Variants in LGMN observed in about 807,000 individuals in gnomAD.
LGMN encodes the protein legumain, also known as asparaginyl endopeptidase.
A neutral mutation model predicts 56.8 loss-of-function variants in LGMN; 36 were observed. That is an observed-to-expected ratio of 0.63 (90% confidence interval 0.49 to 0.84). The LOEUF is 0.84. Ranked by LOEUF, LGMN falls within the 40% of genes least tolerant of loss-of-function variation. LGMN has a pLI of 0.00. For missense variants in LGMN, 446 were observed against 556.1 expected (o/e 0.80, Z 1.99); for synonymous variants, 199 against 210.1 (o/e 0.95, Z 0.46).
rs199907670 is a variant in LGMN at position 92,714,843 on chromosome 14, C to CA, written c.405-393_405-392insT. Among the ~76,000 whole-genome samples the CA allele has an allele frequency of 1.1e-4, 17 of 152,256 alleles. No individual in the cohort carries two copies. The East Asian group carries it at 3.3e-3, about 29-fold the overall frequency. On this transcript the variant is annotated intron_variant, in intron 5 of 13. Coordinates refer to ENST00000334869, the MANE Select transcript of LGMN (RefSeq NM_005606.7). This position sits in a 1 kb window ranked among gnomAD's most constrained non-coding sequence, Gnocchi z 5.1. Reference sequence around the variant, plus strand: ...TCAACACAGGCCTGCAGCCTCCCCCCCTCCAGGCCTCCTGTGGCCCACAGT... The same window carrying CA: ...TCAACACAGGCCTGCAGCCTCCCCCCACTCCAGGCCTCCTGTGGCCCACAGT...
At position 92,728,659 on chromosome 14, in the gene LGMN, C is replaced by A. The variant is rs1321731314; in HGVS notation, c.138+3990G>T. Among the ~76,000 whole-genome samples, 3 of 151,936 alleles carry A rather than the reference C, an allele frequency of 2.0e-5. No individual in the cohort carries two copies. In the East Asian group the frequency reaches 5.8e-4, roughly 29 times the overall value. ...ACCTTAACATGTTAAATTTTTAATA[C>A]AAAAAAAGGAAACTATTTTAAAATA... On this transcript the variant is annotated intron_variant, in intron 2 of 13. Coordinates refer to ENST00000334869, the MANE Select transcript of LGMN (RefSeq NM_005606.7).
At chr14:92,735,852 T>C (rs1742795736) in intron 1 of LGMN, among the ~76,000 whole-genome samples, 1 of 151,566 alleles carries the variant, frequency 6.6e-6, no homozygotes, top group Non-Finnish European at 1.5e-5. Flanking sequence ...AACAGATAGG[T>C]CAGTGGAGTG....
At chr14:92,709,571 C>G (rs1270371684) in intron 11 of LGMN, 101 bp downstream of exon 11, 2 of 954,108 alleles carry the variant, frequency 2.1e-6, no homozygotes, top group Non-Finnish European at 3.3e-6. Flanking sequence ...CCCCCATACT[C>G]CTGTGTGGCA....
Position 92,704,231 on chromosome 14 carries a change from G to C in LGMN, c.*88C>G, listed in dbSNP as rs766031604. The C allele has an allele frequency of 6.3e-7, 1 of 1,575,750 alleles. No individual in the cohort carries two copies. The highest frequency in any genetic ancestry group is 2.2e-5 in the East Asian group (1 of 44,718). ...GCTCCCCAGGAGGGCCCGAGCAGCG[G>C]AGACTTCTCACTCCACCTCTCCAGT... On this transcript the variant is annotated 3_prime_UTR_variant, in exon 14 of 14. Transcript: ENST00000334869.
intron 1 of LGMN, among the ~76,000 whole-genome samples, chr14:92,738,480 G>A (rs775878675): frequency 3.2e-4 from 49 of 151,348 alleles, no homozygotes; most frequent in Middle Eastern, 3.4e-3. Flanking sequence ...GGGTTTCACC[G>A]TGTTAGCCAG....
intron 13 of LGMN, 75 bp from the exon 14 acceptor site, chr14:92,704,436 G>A: frequency 7.8e-7 from 1 of 1,285,284 alleles, no homozygotes; most frequent in African/African-American, 1.5e-5. Flanking sequence ...AAACCCACAT[G>A]CGGCAGGCAG....
chr14:92,723,076 T>G (rs2140242085), intron 2 of LGMN, among the ~76,000 whole-genome samples: 1 of 152,072 alleles, frequency 6.6e-6, no homozygotes, highest in East Asian at 1.9e-4. Context: ...AGACAGAGTC[T>G]TGTTCTGTCG....
At chr14:92,728,253 A>G (rs1890842000) in intron 2 of LGMN, among the ~76,000 whole-genome samples, 1 of 152,228 alleles carries the variant, frequency 6.6e-6, no homozygotes, top group African/African-American at 2.4e-5. Flanking sequence ...ACTAGGCATT[A>G]GTTAGATTCT....
rs979990037 is a variant in LGMN at position 92,730,122 on chromosome 14, G to A, written c.138+2527C>T. Among the ~76,000 whole-genome samples the A allele has an allele frequency of 2.6e-5, 4 of 152,322 alleles. No homozygotes were observed. In the East Asian group the frequency reaches 7.7e-4, roughly 29 times the overall value. On this transcript the variant is annotated intron_variant, in intron 2 of 13. Coordinates refer to ENST00000334869, the MANE Select transcript of LGMN (RefSeq NM_005606.7). ...TGAGTAATCGTGTTAACTCTCTGTG[G>A]TCTGTATTTCACAACTAATCTTTCC...
chr14:92,728,323 C>CT, intron 2 of LGMN, among the ~76,000 whole-genome samples: 1 of 152,314 alleles, frequency 6.6e-6, no homozygotes, highest in South Asian at 2.1e-4. Context: ...GTTCACGCTC[C>CT]TATTAGAATT....
At chr14:92,725,821 T>C (rs962314511) in intron 2 of LGMN, among the ~76,000 whole-genome samples, 4 of 151,998 alleles carry the variant, frequency 2.6e-5, no homozygotes, top group Non-Finnish European at 5.9e-5. Context: ...GTGATCCACC[T>C]ACCTTGGTCT....
intron 4 of LGMN, among the ~76,000 whole-genome samples, chr14:92,716,658 A>G (rs1397522783): frequency 1.3e-5 from 2 of 152,144 alleles, no homozygotes; most frequent in Non-Finnish European, 2.9e-5. Flanking sequence ...ATACAGAAAC[A>G]ATTTCATTAA....
intron 12 of LGMN, among the ~76,000 whole-genome samples, chr14:92,706,144 G>A (rs1234410697): frequency 2.0e-5 from 3 of 152,168 alleles, no homozygotes; most frequent in Admixed American, 2.0e-4. Context: ...AGACTCAGAA[G>A]GGAGAAGATG....
chr14:92,713,865 A>T lies in LGMN; in HGVS notation c.501T>A (p.Asn167Lys), dbSNP rs1303621486. ...PNEDLHVKDL[N>K]ETIHYMYKHK... ...GTTTGTACATGTAATGGATGGTCTC[A>T]TTCAGGTCCTTTACATGAAGCTGAA... is the stretch of plus-strand genomic sequence containing the variant. Residue 167 changes from asparagine to lysine, a missense_variant, in exon 7 of 14, where the codon AAT (asparagine) becomes AAA (lysine). Physicochemically the swap from Asn to Lys is moderately conservative, Grantham distance 94 (BLOSUM62 0). Coordinates refer to ENST00000334869, the MANE Select transcript of LGMN (RefSeq NM_005606.7). 6.2e-7 allele frequency: 1 copy of T among 1,612,658 alleles called. No individual in the cohort carries two copies. Among genetic ancestry groups the T allele is most frequent in the Non-Finnish European group, 8.5e-7 (1 of 1,178,726 alleles).
intron 12 of LGMN, 169 bp downstream of exon 12, chr14:92,706,314 A>C: frequency 2.0e-6 from 1 of 511,580 alleles, no homozygotes; most frequent in Non-Finnish European, 3.3e-6. Context: ...TTCTGGGGCC[A>C]AGATTTAAAA....
intron 2 of LGMN, among the ~76,000 whole-genome samples, chr14:92,723,192 G>A (rs2140242372): frequency 6.6e-6 from 1 of 152,102 alleles, no homozygotes; most frequent in Non-Finnish European, 1.5e-5. Context: ...GATTACAGGT[G>A]AGCACCACCA....
At chr14:92,735,693 T>C (rs1423534122) in intron 1 of LGMN, among the ~76,000 whole-genome samples, 6 of 152,254 alleles carry the variant, frequency 3.9e-5, no homozygotes, top group African/African-American at 1.4e-4. Context: ...TAATTCTTAA[T>C]CCGAAAGCCT....
intron 1 of LGMN, among the ~76,000 whole-genome samples, chr14:92,748,275 C>A (rs1189095775): frequency 6.6e-6 from 1 of 152,134 alleles, no homozygotes; most frequent in Non-Finnish European, 1.5e-5. Context: ...CCTCCACCCC[C>A]AGCCCCACCA....
rs1889971008 is a variant in LGMN, at chr14:92,714,620, C to T, written c.405-169G>A. ...TGCCCGGTGTCTGGCCTGTCCCCTC[C>T]ACTCCCCTTGGTGTGATTCTGAACC... is the stretch of plus-strand genomic sequence containing the variant. On this transcript the variant is annotated intron_variant, in intron 5 of 13. Transcript: ENST00000334869. This position sits in a 1 kb window ranked among gnomAD's most constrained non-coding sequence, Gnocchi z 5.1. Among the ~76,000 whole-genome samples the T allele has an allele frequency of 1.3e-5, 2 of 152,198 alleles. No homozygotes were observed. Among genetic ancestry groups the T allele is most frequent in the Admixed American group, 1.3e-4 (2 of 15,286 alleles).
Sources: allele counts gnomAD v4.1 joint callset (sites outside exome capture counted in the v4.1 genomes callset), GRCh38; gene constraint gnomAD v4.1.1; non-coding constraint Gnocchi (gnomAD v3.1); transcripts MANE v1.5; gene names NCBI Gene and HGNC (gene_info 2026-07-23, HGNC 2026-07-21).